Variants in SRP72 observed in about 807,000 individuals in gnomAD.
SRP72 encodes signal recognition particle 72.
In SRP72, 49 loss-of-function variants were observed where a neutral mutation model predicts 96.3. That is an observed-to-expected ratio of 0.51 (90% CI 0.40 to 0.65). The LOEUF (loss-of-function observed/expected upper bound fraction) is 0.65, where lower values mean the gene tolerates loss of function less well. SRP72 is among the 30% of genes least tolerant of loss of function. The pLI is 0.00. For missense variants in SRP72, 736 were observed against 793.3 expected, an observed-to-expected ratio of 0.93 and a Z score of 0.87; for synonymous variants, 267 against 275.2, an observed-to-expected ratio of 0.97 and a Z score of 0.30.
intron 3 of SRP72, among the ~76,000 whole-genome samples, chr4:56,473,760 C>T (rs888522117): frequency 6.0e-5 from 9 of 149,860 alleles, no homozygotes; most frequent in African/African-American, 1.2e-4. Context: ...AGCGAAACTC[C>T]GTCTCAAAAA....
chr4:56,476,737 C>T, intron 6 of SRP72, 35 bp downstream of exon 6: 3 of 1,602,944 alleles, frequency 1.9e-6, no homozygotes, highest in African/African-American at 1.3e-5. Context: ...CTAAATTTTA[C>T]ACTTCTGACT....
At chr4:56,491,046 T>C (rs1720888249) in intron 15 of SRP72, among the ~76,000 whole-genome samples, 1 of 152,240 alleles carries the variant, frequency 6.6e-6, no homozygotes, top group South Asian at 2.1e-4. Context: ...CTTATTGAGC[T>C]TGGATCATAT....
chr4:56,484,848 C>T lies in SRP72; in HGVS notation c.1070C>T (p.Ala357Val). 6.2e-7 allele frequency: 1 copy of T among 1,610,376 alleles called. No homozygotes were observed. Among genetic ancestry groups the T allele is most frequent in the Non-Finnish European group, 8.5e-7 (1 of 1,179,268 alleles). Residue 357 changes from alanine (A) to valine (V), a missense_variant, in exon 10 of 19, where the codon GCA becomes GTA. Physicochemically the swap from Ala to Val is moderately conservative, Grantham distance 64 (BLOSUM62 0). Transcript: ENST00000642900. ...TGCCGTGAAAAGCAGCACACAAAAGCAATAGAGCTGCTTCAGGTAAAATAA... is the reference window on the plus strand; with the variant it reads ...TGCCGTGAAAAGCAGCACACAAAAGTAATAGAGCTGCTTCAGGTAAAATAA... ...QLCREKQHTK[A>V]IELLQEFSDQ...
chr4:56,474,830 G>A (rs780714203), intron 5 of SRP72, among the ~76,000 whole-genome samples: 6 of 152,128 alleles, frequency 3.9e-5, no homozygotes, highest in East Asian at 3.9e-4. Flanking sequence ...GATCACAGGC[G>A]CATGCCAGAA....
intron 13 of SRP72, among the ~76,000 whole-genome samples, 182 bp downstream of exon 13, chr4:56,489,665 A>G (rs962627798): frequency 2.6e-5 from 4 of 152,354 alleles, no homozygotes; most frequent in Middle Eastern, 3.4e-3. Context: ...GAAATAAGCA[A>G]TGGCTGCAAA....
At chr4:56,500,940 GAAAT>G (rs1264523534) in intron 18 of SRP72, among the ~76,000 whole-genome samples, 3 of 149,730 alleles carry the variant, frequency 2.0e-5, no homozygotes, top group African/African-American at 7.5e-5. Flanking sequence ...TATATATTGT[GAAAT>G]ATATATAGTA....
chr4:56,475,121 G>T (rs993152049), intron 5 of SRP72, among the ~76,000 whole-genome samples: 2 of 152,004 alleles, frequency 1.3e-5, no homozygotes, highest in African/African-American at 4.8e-5. Context: ...TGATCACTGG[G>T]GTGGAAAAAA....
Position 56,500,715 on chromosome 4 carries a change from T to C in SRP72, c.1838+20T>C. On this transcript the variant is annotated intron_variant, in intron 18 of 18. Coordinates refer to ENST00000642900, the MANE Select transcript of SRP72 (RefSeq NM_006947.4). ...TGAACTGTAAGTTATTGCTCCACAA[T>C]TGAGGGCACTTAGAACATACGTTGT... 6.2e-7 allele frequency: 1 copy of C among 1,604,672 alleles called. No homozygotes were observed. Among genetic ancestry groups the C allele is most frequent in the Non-Finnish European group, 8.5e-7 (1 of 1,175,196 alleles).
Position 56,477,297 on chromosome 4 carries a change from C to CTTTTTTTTTTTTTT in SRP72, c.642+596_642+597insTTTTTTTTTTTTTT, listed in dbSNP as rs1560677869. ...CACATTCATAGTTCTCTCTCTCTCT[C>CTTTTTTTTTTTTTT]TCTCTTTTTTTTTTTTTTTTTTTTT... On this transcript the variant is annotated intron_variant, in intron 6 of 18. Coordinates refer to ENST00000642900, the MANE Select transcript of SRP72 (RefSeq NM_006947.4). 93 of 114,780 alleles carry CTTTTTTTTTTTTTT rather than the reference C, an allele frequency of 8.1e-4. 1 individual carries two copies. Among genetic ancestry groups the CTTTTTTTTTTTTTT allele is most frequent in the Non-Finnish European group, 1.1e-3 (63 of 57,870 alleles). The allele number at this position is 114,780 out of a possible 1,614,324, so 7.1% of individuals were successfully genotyped here.
rs150875028 is a variant in SRP72, at chr4:56,470,199, C to T, written c.230+426C>T. ...AAGGTGCAGAACAATATATATTATACTTCCTTTTACAAGAGGAGGAGGATA... is the reference window on the plus strand; with the variant it reads ...AAGGTGCAGAACAATATATATTATATTTCCTTTTACAAGAGGAGGAGGATA... On this transcript the variant is annotated intron_variant, in intron 2 of 18. Transcript: ENST00000642900. Among the ~76,000 whole-genome samples, 32 of 152,024 alleles carry T rather than the reference C, an allele frequency of 2.1e-4. No individual in the cohort carries two copies. In the East Asian group the frequency reaches 4.9e-3, roughly 23 times the overall value.
At chr4:56,487,885 C>A in intron 11 of SRP72, 64 bp from the exon 12 acceptor site, 1 of 1,305,590 alleles carries the variant, frequency 7.7e-7, no homozygotes, top group Admixed American at 2.5e-5. Flanking sequence ...AGTAAAATTT[C>A]TTGTATTTTT....
chr4:56,479,394 T>C (rs1392115773), intron 8 of SRP72, among the ~76,000 whole-genome samples: 4 of 152,126 alleles, frequency 2.6e-5, no homozygotes, highest in African/African-American at 9.7e-5. Context: ...TTAGCCAGGA[T>C]GTTCTCATTC....
At chr4:56,487,712 T>G (rs1317704913) in intron 11 of SRP72, among the ~76,000 whole-genome samples, 3 of 152,200 alleles carry the variant, frequency 2.0e-5, no homozygotes, top group Non-Finnish European at 2.9e-5. Context: ...TGCCATTAAC[T>G]TTCTTTGTGA....
chr4:56,478,677 T>C, intron 8 of SRP72, 28 bp downstream of exon 8: 1 of 1,601,022 alleles, frequency 6.2e-7, no homozygotes, highest in Non-Finnish European at 8.5e-7. Context: ...TTTCCATAGA[T>C]ATATTTTACC....
In SRP72 at chr4:56,467,621, C is replaced by G. The variant is rs1379219929; in HGVS notation, c.-15C>G. On this transcript the variant is annotated 5_prime_UTR_variant, in exon 1 of 19. Transcript: ENST00000642900. ...GGGCAGAGGTCTCCCCGCCCCGCCCCTCGTCTCCTCCAAGATGGCGAGCGG... is the reference window on the plus strand; with the variant it reads ...GGGCAGAGGTCTCCCCGCCCCGCCCGTCGTCTCCTCCAAGATGGCGAGCGG... 7.2e-6 allele frequency: 11 copies of G among 1,535,206 alleles called. No individual in the cohort carries two copies. Among genetic ancestry groups the G allele is most frequent in the East Asian group, 2.5e-5 (1 of 39,356 alleles).
Position 56,483,230 on chromosome 4 carries a change from T to C in SRP72, c.917T>C (p.Ile306Thr). 1 of 1,612,848 alleles carries C rather than the reference T, an allele frequency of 6.2e-7. No homozygotes were observed. The highest frequency in any genetic ancestry group is 1.7e-5 in the Admixed American group (1 of 59,922). Residue 306 changes from isoleucine to threonine, a missense_variant, in exon 9 of 19, where the codon ATA (isoleucine) becomes ACA (threonine). Coordinates refer to ENST00000642900, the MANE Select transcript of SRP72 (RefSeq NM_006947.4). Reference sequence around the variant, plus strand: ...CTTTCCAAGAAACAACTACAAGCTATAGAATTTAACAAAGCTTTACTTGCT... The same window carrying C: ...CTTTCCAAGAAACAACTACAAGCTACAGAATTTAACAAAGCTTTACTTGCT... ...FKLSKKQLQA[I>T]EFNKALLAMY...
In SRP72 at chr4:56,501,875, G is replaced by A. The variant is rs780347440; in HGVS notation, c.*14G>A. 1.2e-6 allele frequency: 2 copies of A among 1,613,818 alleles called. No individual in the cohort carries two copies. Among genetic ancestry groups the A allele is most frequent in the Non-Finnish European group, 1.7e-6 (2 of 1,179,892 alleles). On this transcript the variant is annotated 3_prime_UTR_variant, in exon 19 of 19. Transcript: ENST00000642900. Reference sequence around the variant, plus strand: ...GGTGGCTGGTGATGAGAATATTCTTGTTGCAGGCTGTTTTTAAACTAGTGT... The same window carrying A: ...GGTGGCTGGTGATGAGAATATTCTTATTGCAGGCTGTTTTTAAACTAGTGT...
chr4:56,500,786 G>A (rs1721235450), intron 18 of SRP72, 91 bp downstream of exon 18: 3 of 1,246,962 alleles, frequency 2.4e-6, no homozygotes, highest in African/African-American at 1.5e-5. Context: ...TTAATATAAA[G>A]TATGAGAAAT....
intron 1 of SRP72, 50 bp downstream of exon 1, chr4:56,467,794 C>T: frequency 2.1e-6 from 3 of 1,408,010 alleles, no homozygotes; most frequent in Non-Finnish European, 2.8e-6. Flanking sequence ...CTGGAGGATG[C>T]GGCCTGTTTC....
Sources: allele counts gnomAD v4.1 joint callset (sites outside exome capture counted in the v4.1 genomes callset), GRCh38; gene constraint gnomAD v4.1.1; transcripts MANE v1.5; gene names NCBI Gene and HGNC (gene_info 2026-07-23, HGNC 2026-07-21).